The following SLC2A13 variants were observed in gnomAD, a reference collection of about 807,000 sequenced individuals.
SLC2A13 encodes solute carrier family 2 member 13.
Under a neutral mutation model 64.4 loss-of-function variants are expected in SLC2A13, and 32 were observed. The ratio of observed to expected loss-of-function variants is 0.50; its 90% confidence interval spans 0.37 to 0.67. The LOEUF (loss-of-function observed/expected upper bound fraction) is 0.67. Among genes scored for constraint, SLC2A13 ranks in the 30% least tolerant of loss-of-function variants. SLC2A13 has a pLI of 0.00. For missense variants in SLC2A13, 743 were observed against 829.2 expected (o/e 0.90, Z 1.28); for synonymous variants, 338 against 327.1 (o/e 1.03, Z -0.36).
At chr12:39,879,851 G>A (rs1335586533) in intron 4 of SLC2A13, among the ~76,000 whole-genome samples, 2 of 152,200 alleles carry the variant, frequency 1.3e-5, no homozygotes, top group African/African-American at 4.8e-5. Flanking sequence ...GAAGGGGCCA[G>A]AGGTGGAATG....
intron 3 of SLC2A13, among the ~76,000 whole-genome samples, chr12:39,982,569 C>T (rs1427990647): frequency 2.0e-5 from 3 of 150,460 alleles, no homozygotes; most frequent in Admixed American, 2.0e-4. Context: ...AGTGAACTCC[C>T]ATTCACAACT....
chr12:39,942,800 C>T, intron 4 of SLC2A13, among the ~76,000 whole-genome samples: 1 of 152,182 alleles, frequency 6.6e-6, no homozygotes, highest in South Asian at 2.1e-4. Context: ...TGTTCCCTTG[C>T]TGGTGAGGAG....
At chr12:39,784,887 A>C (rs1252163668) in intron 7 of SLC2A13, among the ~76,000 whole-genome samples, 4 of 152,208 alleles carry the variant, frequency 2.6e-5, no homozygotes, top group Non-Finnish European at 5.9e-5. Flanking sequence ...GGAACTTTCA[A>C]CTTGAGAGAG....
intron 1 of SLC2A13, among the ~76,000 whole-genome samples, chr12:40,052,395 T>C (rs769281720): frequency 1.1e-4 from 17 of 151,976 alleles, no homozygotes; most frequent in Non-Finnish European, 1.5e-4. Flanking sequence ...GCTTTTATCA[T>C]GCTAAGCAAA....
chr12:40,087,315 CT>C (rs1938617088), intron 1 of SLC2A13, among the ~76,000 whole-genome samples: 1 of 152,190 alleles, frequency 6.6e-6, no homozygotes, highest in Admixed American at 6.5e-5. Flanking sequence ...CACTAAATCT[CT>C]TAGTCTTTCT....
intron 6 of SLC2A13, among the ~76,000 whole-genome samples, chr12:39,848,437 A>T (rs927604930): frequency 1.1e-4 from 16 of 152,158 alleles, no homozygotes; most frequent in Non-Finnish European, 1.9e-4. Context: ...CCATATCACT[A>T]ATCATTAGAG....
intron 3 of SLC2A13, among the ~76,000 whole-genome samples, chr12:39,964,075 G>A (rs527795486): frequency 2.6e-5 from 4 of 152,192 alleles, no homozygotes; most frequent in East Asian, 1.9e-4. Flanking sequence ...AGAAAGAGAC[G>A]ATGTTTTCTG....
chr12:39,870,687 T>A (rs1944024826), intron 5 of SLC2A13, among the ~76,000 whole-genome samples: 1 of 152,208 alleles, frequency 6.6e-6, no homozygotes, highest in African/African-American at 2.4e-5. Flanking sequence ...CAATCATGTT[T>A]GCCCCTTAAT....
intron 4 of SLC2A13, among the ~76,000 whole-genome samples, chr12:39,897,889 T>C (rs1421882543): frequency 6.6e-6 from 1 of 152,040 alleles, no homozygotes; most frequent in African/African-American, 2.4e-5. Flanking sequence ...AAATACAATA[T>C]ATAAGACATT....
At chr12:40,057,723 A>G (rs1226269951) in intron 1 of SLC2A13, among the ~76,000 whole-genome samples, 1 of 152,162 alleles carries the variant, frequency 6.6e-6, no homozygotes, top group African/African-American at 2.4e-5. Context: ...ATGTGATAAC[A>G]ATGGCTAAGA....
At chr12:39,968,946 T>C (rs954237664) in intron 3 of SLC2A13, among the ~76,000 whole-genome samples, 2 of 151,796 alleles carry the variant, frequency 1.3e-5, no homozygotes, top group Non-Finnish European at 2.9e-5. Context: ...TTTCCCTCCC[T>C]CCTTCCCCCA....
chr12:39,862,031 C>A (rs763038902), intron 6 of SLC2A13, among the ~76,000 whole-genome samples: 51 of 152,198 alleles, frequency 3.4e-4, no homozygotes, highest in Non-Finnish European at 6.3e-4. Context: ...TCCCTTCCCC[C>A]ACCACTGCCC....
chr12:39,896,450 GTGTGTATATATGTATACATATATGTATA>G (rs746977326), intron 4 of SLC2A13, among the ~76,000 whole-genome samples: 54 of 112,882 alleles, frequency 4.8e-4, no homozygotes, highest in African/African-American at 1.1e-3. Flanking sequence ...ATATGTATAT[GTGTGTATATATGTATACATATATGTATA>G]TGTGTATATA....
intron 5 of SLC2A13, among the ~76,000 whole-genome samples, chr12:39,866,692 G>T (rs1176954995): frequency 1.3e-5 from 2 of 152,274 alleles, no homozygotes; most frequent in South Asian, 4.1e-4. Flanking sequence ...TGTTAGCCAG[G>T]ATGGTCTCGA....
At position 39,920,052 on chromosome 12, in the gene SLC2A13, G is replaced by A. The variant is rs940527483; in HGVS notation, c.1034+31205C>T. 6.6e-5 allele frequency among the ~76,000 whole-genome samples: 10 copies of A among 152,052 alleles called. No individual in the cohort carries two copies. In the South Asian group the frequency reaches 2.1e-3, roughly 32 times the overall value. On this transcript the variant is annotated intron_variant, in intron 4 of 9. Coordinates refer to ENST00000280871, the MANE Select transcript of SLC2A13 (RefSeq NM_052885.4). ...TTATTAGCAAACATCCTGGGTAGAA[G>A]TAATCCTGCCTGGCCTGTGCTCACC...
At chr12:39,962,264 T>C (rs1946427463) in intron 3 of SLC2A13, among the ~76,000 whole-genome samples, 1 of 152,100 alleles carries the variant, frequency 6.6e-6, no homozygotes, top group African/African-American at 2.4e-5. Flanking sequence ...CTAATTTTTG[T>C]ATTTTTAGTA....
At chr12:39,799,577 C>T (rs2135782466) in intron 7 of SLC2A13, among the ~76,000 whole-genome samples, 2 of 152,054 alleles carry the variant, frequency 1.3e-5, no homozygotes, top group Middle Eastern at 3.4e-3. Flanking sequence ...CCCAAAAAAA[C>T]AAAAGCAAAA....
intron 6 of SLC2A13, among the ~76,000 whole-genome samples, chr12:39,842,873 T>C (rs1047735059): frequency 2.0e-5 from 3 of 152,032 alleles, no homozygotes; most frequent in African/African-American, 7.2e-5. Context: ...TACAATGTGC[T>C]CTGTTGTTTC....
chr12:40,000,860 G>A (rs1359843512), intron 3 of SLC2A13, among the ~76,000 whole-genome samples: 1 of 152,068 alleles, frequency 6.6e-6, no homozygotes, highest in Non-Finnish European at 1.5e-5. Context: ...GAATTTGTAG[G>A]GGACACAATT....
Sources: allele counts gnomAD v4.1 joint callset (sites outside exome capture counted in the v4.1 genomes callset), GRCh38; gene constraint gnomAD v4.1.1; transcripts MANE v1.5; gene names NCBI Gene and HGNC (gene_info 2026-07-23, HGNC 2026-07-21).